The following TLL1 variants were observed in gnomAD, a reference collection of about 807,000 sequenced individuals.
The protein encoded by TLL1 is tolloid like 1.
In TLL1, 49 loss-of-function variants were observed where a neutral mutation model predicts 128.2. The ratio of observed to expected loss-of-function variants is 0.38; its 90% CI spans 0.30 to 0.48. TLL1 has a LOEUF of 0.48. Among genes scored for constraint, TLL1 ranks in the 20% least tolerant of loss-of-function variants. The pLI, the probability that TLL1 is intolerant of heterozygous loss-of-function variation, is 0.96. For synonymous variants in TLL1, 454 were observed against 418.8 expected (o/e 1.08, Z -1.03); for missense variants, 1,123 against 1,242.0 (o/e 0.90, Z 1.44).
At chr4:165,958,270 C>T (rs1228945217) in intron 1 of TLL1, among the ~76,000 whole-genome samples, 2 of 140,470 alleles carry the variant, frequency 1.4e-5, no homozygotes. Context: ...GTTCTAGATC[C>T]CTGAGGAATC....
At chr4:166,097,678 A>C (rs1021062319) in intron 19 of TLL1, among the ~76,000 whole-genome samples, 2 of 152,144 alleles carry the variant, frequency 1.3e-5, no homozygotes, top group South Asian at 4.1e-4. Context: ...TGGGTAAACT[A>C]TATTCAAATC....
intron 6 of TLL1, among the ~76,000 whole-genome samples, chr4:166,006,173 C>T (rs80030195): frequency 0.013 from 2,037 of 151,778 alleles, 44 homozygotes; most frequent in African/African-American, 0.047. Flanking sequence ...TGATAGGAAC[C>T]AAATTGGTAT....
intron 16 of TLL1, among the ~76,000 whole-genome samples, chr4:166,068,992 G>A (rs1230667221): frequency 6.6e-6 from 1 of 151,636 alleles, no homozygotes; most frequent in African/African-American, 2.4e-5. Context: ...GAAAGACGAT[G>A]CATTATGGTT....
chr4:165,920,008 T>C, intron 1 of TLL1: 1 of 273,012 alleles, frequency 3.7e-6, no homozygotes, highest in South Asian at 3.1e-5. Flanking sequence ...GTCAGCCATA[T>C]AAATAGCTAT....
In TLL1 at chr4:166,099,702, C is replaced by T. The variant is rs141586005; in HGVS notation, c.2907+175C>T. Among the ~76,000 whole-genome samples, 1,164 of 150,854 alleles carry T rather than the reference C, an allele frequency of 7.7e-3. 16 individuals carry two copies. Among genetic ancestry groups the T allele is most frequent in the African/African-American group, 0.026 (1,084 of 41,128 alleles). On this transcript the variant is annotated intron_variant, in intron 20 of 20. Transcript: ENST00000061240. ...TAACACGTCTCTACCCTTATCACTT[C>T]TCCACTTCTAATGAATTTGCCTGAA...
In TLL1 at chr4:166,041,944, A is replaced by G. The variant is rs866725631; in HGVS notation, c.1262-83A>G. On this transcript the variant is annotated intron_variant, in intron 10 of 20. Coordinates refer to ENST00000061240, the MANE Select transcript of TLL1 (RefSeq NM_012464.5). Reference sequence around the variant, plus strand: ...AAATGTGAACCAAATCGGTGTTTACATATTATTTGTGACTAGTACAAAAAG... The same window carrying G: ...AAATGTGAACCAAATCGGTGTTTACGTATTATTTGTGACTAGTACAAAAAG... 3.4e-5 allele frequency: 32 copies of G among 929,068 alleles called. No individual in the cohort carries two copies. The Middle Eastern group carries it at 3.9e-3, about 112-fold the overall frequency. The allele number at this position is 929,068 out of a possible 1,614,324, so 57.6% of individuals were successfully genotyped here. A position where few individuals can be genotyped will look rare whatever the true frequency, so the allele number is the denominator to read the frequency against.
chr4:166,081,098 A>G (rs1741265591), intron 18 of TLL1, among the ~76,000 whole-genome samples: 1 of 152,134 alleles, frequency 6.6e-6, no homozygotes, highest in South Asian at 2.1e-4. Flanking sequence ...TATATATCTT[A>G]TGAGTCTTCC....
intron 1 of TLL1, among the ~76,000 whole-genome samples, chr4:165,907,685 A>T (rs1298611203): frequency 1.3e-5 from 2 of 151,684 alleles, no homozygotes; most frequent in African/African-American, 4.8e-5. Flanking sequence ...AGTAGCTGGG[A>T]TTACAGGCAC....
chr4:165,898,127 A>G (rs1211866513), intron 1 of TLL1, among the ~76,000 whole-genome samples: 4 of 152,054 alleles, frequency 2.6e-5, no homozygotes, highest in African/African-American at 4.8e-5. Flanking sequence ...ATGAGATTTT[A>G]AGCTGAGACT....
intron 1 of TLL1, among the ~76,000 whole-genome samples, chr4:165,940,164 TG>T (rs1156682644): frequency 1.3e-5 from 2 of 152,006 alleles, no homozygotes; most frequent in African/African-American, 2.4e-5. Flanking sequence ...TTTTCATTTA[TG>T]TTTTTTTTCT....
At chr4:165,944,094 T>C (rs1251634274) in intron 1 of TLL1, among the ~76,000 whole-genome samples, 1 of 152,150 alleles carries the variant, frequency 6.6e-6, no homozygotes, top group African/African-American at 2.4e-5. Flanking sequence ...TATTGGTACT[T>C]CCAACAGCTG....
At chr4:166,084,122 A>AT (rs1741401505) in intron 18 of TLL1, among the ~76,000 whole-genome samples, 1 of 151,744 alleles carries the variant, frequency 6.6e-6, no homozygotes, top group Non-Finnish European at 1.5e-5. Context: ...TTTGATTTGC[A>AT]TTTTCTGGAT....
chr4:165,874,515 CAA>C (rs941454549), intron 1 of TLL1, among the ~76,000 whole-genome samples: 3 of 152,106 alleles, frequency 2.0e-5, no homozygotes, highest in African/African-American at 7.2e-5. Flanking sequence ...CAGGGTTCCC[CAA>C]AAGATACAGG....
chr4:166,060,018 T>A lies in TLL1; in HGVS notation c.1847-10T>A, dbSNP rs768621224. 6.2e-7 allele frequency: 1 copy of A among 1,613,614 alleles called. No homozygotes were observed. The highest frequency in any genetic ancestry group is 8.5e-7 in the Non-Finnish European group (1 of 1,179,782). ...GGGAGAATATACCTTTTTCTTTTCT[T>A]TTCTTCTAGCTGCTTGTGGTGGACT... On this transcript the variant is annotated splice_polypyrimidine_tract_variant and intron_variant, in intron 14 of 20. Transcript: ENST00000061240.
At chr4:166,014,262 C>CT (rs985579891) in intron 7 of TLL1, among the ~76,000 whole-genome samples, 174 bp from the exon 8 acceptor site, 3 of 151,616 alleles carry the variant, frequency 2.0e-5, no homozygotes, top group Non-Finnish European at 2.9e-5. Flanking sequence ...ATTTAACATG[C>CT]TTTTTTTTCT....
At position 166,065,832 on chromosome 4, in the gene TLL1, C is replaced by T; in HGVS notation, c.2157C>T (p.Ser719=). ...RIEFKSDNTV[S]KKGFKAHFFS... ...AATTCAAATCTGACAATACTGTATC[C>T]AAGAAGGGCTTCAAAGCACATTTTT... The change falls in exon 16 of 21, where the codon TCC becomes TCT. Residue 719 remains serine (S), a synonymous_variant. Transcript: ENST00000061240. The T allele has an allele frequency of 6.2e-7, 1 of 1,612,790 alleles. No individual in the cohort carries two copies. The highest frequency in any genetic ancestry group is 8.5e-7 in the Non-Finnish European group (1 of 1,179,164).
At chr4:166,099,252 C>A in intron 19 of TLL1, 25 bp from the exon 20 acceptor site, 3 of 1,613,282 alleles carry the variant, frequency 1.9e-6, no homozygotes, top group East Asian at 2.2e-5. Flanking sequence ...TGACCTTACT[C>A]ATCTTATTTT....
At chr4:165,992,030 A>G (rs1412251101) in intron 2 of TLL1, among the ~76,000 whole-genome samples, 1 of 152,042 alleles carries the variant, frequency 6.6e-6, no homozygotes, top group Non-Finnish European at 1.5e-5. Flanking sequence ...GCCAAATGCT[A>G]TGCTTTCTGA....
intron 1 of TLL1, among the ~76,000 whole-genome samples, chr4:165,907,574 G>A (rs1490908780): frequency 6.7e-6 from 1 of 149,242 alleles, no homozygotes; most frequent in Non-Finnish European, 1.5e-5. Context: ...TTGAGACGGA[G>A]TTTTGATCTT....
Sources: allele counts gnomAD v4.1 joint callset (sites outside exome capture counted in the v4.1 genomes callset), GRCh38; gene constraint gnomAD v4.1.1; transcripts MANE v1.5; gene names NCBI Gene and HGNC (gene_info 2026-07-23, HGNC 2026-07-21).